KIAA1549L: variants seen among roughly 807,000 people sequenced by gnomAD.
KIAA1549L encodes KIAA1549 like, also known as UPF0606 protein KIAA1549L.
A neutral mutation model predicts 160.7 loss-of-function variants in KIAA1549L; 88 were observed. The ratio of observed to expected loss-of-function variants is 0.55; its 90% CI spans 0.46 to 0.65. The LOEUF is 0.65. KIAA1549L is among the 30% of genes least tolerant of loss of function. The pLI, the probability that KIAA1549L is intolerant of heterozygous loss-of-function variation, is 0.00. For missense variants in KIAA1549L, 2,258 were observed against 2,437.5 expected (o/e 0.93, Z 1.55); for synonymous variants, 950 against 976.7 (o/e 0.97, Z 0.51).
At chr11:33,593,572 C>T (rs988872583) in intron 12 of KIAA1549L, among the ~76,000 whole-genome samples, 5 of 152,170 alleles carry the variant, frequency 3.3e-5, no homozygotes, top group African/African-American at 1.2e-4. Context: ...GAGAGACGAT[C>T]GTGTCATGGG....
chr11:33,625,365 A>C (rs1851075858), intron 16 of KIAA1549L, among the ~76,000 whole-genome samples: 1 of 152,228 alleles, frequency 6.6e-6, no homozygotes, highest in Admixed American at 6.5e-5. Flanking sequence ...ACTAGTTTAC[A>C]GTCCCACCAA....
At chr11:33,441,685 T>C (rs913712096) in intron 1 of KIAA1549L, among the ~76,000 whole-genome samples, 197 of 152,338 alleles carry the variant, frequency 1.3e-3, no homozygotes, top group Non-Finnish European at 1.2e-3. Flanking sequence ...GATGAGCATT[T>C]TTTCATGTGT....
intron 9 of KIAA1549L, among the ~76,000 whole-genome samples, chr11:33,572,993 G>A (rs1272959667): frequency 6.6e-6 from 1 of 152,218 alleles, no homozygotes; most frequent in Non-Finnish European, 1.5e-5. Flanking sequence ...GTGCTGGTGG[G>A]TATAGAGTGG....
chr11:33,404,570 CAG>C (rs1478360102), intron 1 of KIAA1549L, among the ~76,000 whole-genome samples: 1 of 151,434 alleles, frequency 6.6e-6, no homozygotes, highest in African/African-American at 2.4e-5. Flanking sequence ...CATTTAAAGT[CAG>C]ATAAGTACAG....
At chr11:33,653,583 A>G (rs1244210890) in intron 17 of KIAA1549L, among the ~76,000 whole-genome samples, 1 of 152,060 alleles carries the variant, frequency 6.6e-6, no homozygotes, top group Non-Finnish European at 1.5e-5. Context: ...TGTGTGTTTT[A>G]CTTTATTGAT....
chr11:33,405,510 CTT>C (rs60127936), intron 1 of KIAA1549L, among the ~76,000 whole-genome samples: 11,429 of 138,558 alleles, frequency 0.082, 834 homozygotes, highest in South Asian at 0.2. Flanking sequence ...TTTCCCTACA[CTT>C]TTTTTTTTTT....
chr11:33,646,975 G>A (rs10742301), intron 17 of KIAA1549L, among the ~76,000 whole-genome samples: 105,124 of 152,068 alleles, frequency 0.69, 37,320 homozygotes, highest in African/African-American at 0.87. Flanking sequence ...TGGGGAAATT[G>A]TTTAAATTCT....
At position 33,520,531 on chromosome 11, in the gene KIAA1549L, A is replaced by G. The variant is rs2133124250; in HGVS notation, c.239-21271A>G. The stretch of plus-strand genomic sequence containing the variant: ...TTCAGAAGCTCAGTTTAGATTTACT[A>G]ACTTCTCATTTGGTCAAGTAAGGGC... On this transcript the variant is annotated intron_variant, in intron 1 of 20. Coordinates refer to ENST00000658780, the MANE Select transcript of KIAA1549L (RefSeq NM_012194.3). Among the ~76,000 whole-genome samples, 3 of 152,272 alleles carry G rather than the reference A, an allele frequency of 2.0e-5. No individual in the cohort carries two copies. In the Middle Eastern group the frequency reaches 0.01, roughly 518 times the overall value.
intron 17 of KIAA1549L, among the ~76,000 whole-genome samples, chr11:33,652,135 A>G (rs1851914779): frequency 2.6e-5 from 4 of 151,446 alleles, no homozygotes; most frequent in Admixed American, 2.6e-4. Context: ...CACAGCCAGC[A>G]TCGTGGCACT....
intron 10 of KIAA1549L, among the ~76,000 whole-genome samples, chr11:33,577,125 C>T (rs1473362489): frequency 6.6e-6 from 1 of 152,128 alleles, no homozygotes; most frequent in African/African-American, 2.4e-5. Context: ...GCAAGGACAG[C>T]AGATCTCACG....
intron 1 of KIAA1549L, chr11:33,450,631 C>G (rs1370345841): frequency 6.6e-6 from 1 of 152,058 alleles, no homozygotes; most frequent in Non-Finnish European, 1.5e-5. Context: ...CAGTTCTTTG[C>G]TCAACTCCAA....
At chr11:33,635,665 C>T (rs1343349521) in intron 16 of KIAA1549L, among the ~76,000 whole-genome samples, 2 of 151,040 alleles carry the variant, frequency 1.3e-5, no homozygotes, top group Non-Finnish European at 3.0e-5. Context: ...TTCGTTAAGC[C>T]CATTCTAGAT....
At chr11:33,399,021 C>T (rs1850444821) in intron 1 of KIAA1549L, among the ~76,000 whole-genome samples, 1 of 150,500 alleles carries the variant, frequency 6.6e-6, no homozygotes, top group Admixed American at 6.6e-5. Flanking sequence ...GGCACAATCT[C>T]TGCTCACTGC....
At chr11:33,462,244 T>C (rs903795994) in intron 1 of KIAA1549L, among the ~76,000 whole-genome samples, 1 of 152,162 alleles carries the variant, frequency 6.6e-6, no homozygotes, top group Non-Finnish European at 1.5e-5. Flanking sequence ...TCTGGATATG[T>C]TTACTTTCAT....
intron 6 of KIAA1549L, among the ~76,000 whole-genome samples, chr11:33,558,937 G>A (rs917488656): frequency 7.1e-4 from 108 of 151,524 alleles, no homozygotes; most frequent in African/African-American, 2.6e-3. Flanking sequence ...GGGTTCAAGC[G>A]ATTCTCCTGT....
chr11:33,408,050 T>C (rs1427326066), intron 1 of KIAA1549L, among the ~76,000 whole-genome samples: 1 of 152,004 alleles, frequency 6.6e-6, no homozygotes, highest in Non-Finnish European at 1.5e-5. Flanking sequence ...TCTCAAGGGG[T>C]GTTAAGATAA....
chr11:33,607,664 A>G (rs1293447079), intron 14 of KIAA1549L, among the ~76,000 whole-genome samples: 1 of 152,154 alleles, frequency 6.6e-6, no homozygotes, highest in African/African-American at 2.4e-5. Context: ...AGCTATTTTT[A>G]CCTGCAAGAG....
intron 8 of KIAA1549L, among the ~76,000 whole-genome samples, chr11:33,565,248 G>A (rs1458613648): frequency 1.3e-5 from 2 of 152,192 alleles, no homozygotes; most frequent in African/African-American, 2.4e-5. Context: ...CAGGGGAAGG[G>A]GGAGGAGCCA....
At chr11:33,385,391 G>T (rs905433401) in intron 1 of KIAA1549L, among the ~76,000 whole-genome samples, 1 of 152,178 alleles carries the variant, frequency 6.6e-6, no homozygotes, top group Non-Finnish European at 1.5e-5. Flanking sequence ...TGTTGTGGTT[G>T]CCTGTCCTGT....
Sources: gnomAD v4.1 joint callset for allele counts (sites outside exome capture counted in the v4.1 genomes callset) on GRCh38, gnomAD v4.1.1 for gene constraint, MANE v1.5 for transcripts, NCBI Gene and HGNC (gene_info 2026-07-23, HGNC 2026-07-21) for gene names.